Variants in GSK3B observed in about 807,000 individuals in gnomAD.
The protein encoded by GSK3B is glycogen synthase kinase 3 beta, also known as glycogen synthase kinase-3 beta.
Under a neutral mutation model 56.4 loss-of-function variants are expected in GSK3B, and 15 were observed. The observed-to-expected ratio is 0.27, with a 90% CI of 0.18 to 0.41. The LOEUF is 0.41. Ranked by LOEUF, GSK3B falls within the 10% of genes least tolerant of loss-of-function variation. The probability of loss-of-function intolerance (pLI) is 1.00; values close to 1 mark genes in which losing one functional copy is unlikely to be tolerated. For synonymous variants in GSK3B, 181 were observed against 188.9 expected (o/e 0.96, Z 0.34); for missense variants, 300 against 513.4 (o/e 0.58, Z 4.02).
intron 6 of GSK3B, among the ~76,000 whole-genome samples, chr3:119,910,282 C>G (rs1386748844): frequency 6.6e-6 from 1 of 152,044 alleles, no homozygotes; most frequent in Admixed American, 6.6e-5. Context: ...AAATTCTATA[C>G]AGGCATACGT....
intron 2 of GSK3B, among the ~76,000 whole-genome samples, chr3:119,970,248 C>T (rs951655807): frequency 4.0e-5 from 6 of 151,830 alleles, no homozygotes; most frequent in Non-Finnish European, 7.4e-5. Flanking sequence ...AGATAAGGGG[C>T]GGGGGAAACA....
At chr3:119,857,038 TA>T (rs373188976) in intron 9 of GSK3B, among the ~76,000 whole-genome samples, 1 of 151,966 alleles carries the variant, frequency 6.6e-6, no homozygotes, top group Non-Finnish European at 1.5e-5. Context: ...GCATTACATC[TA>T]AAAAAAACCA....
chr3:119,865,491 A>G (rs187489241), intron 8 of GSK3B, among the ~76,000 whole-genome samples: 10,255 of 60,314 alleles, frequency 0.17, 644 homozygotes, highest in Middle Eastern at 0.35. Flanking sequence ...TTTTTTTTTG[A>G]GATGGAGTCT....
chr3:119,947,131 C>G (rs563348266), intron 3 of GSK3B, 137 bp downstream of exon 3: 77 of 607,292 alleles, frequency 1.3e-4, no homozygotes, highest in African/African-American at 1.2e-3. Flanking sequence ...ATACCTTGGG[C>G]TGAGTATTGC....
At chr3:120,089,373 C>G (rs1326104459) in intron 1 of GSK3B, among the ~76,000 whole-genome samples, 2 of 152,168 alleles carry the variant, frequency 1.3e-5, no homozygotes, top group Non-Finnish European at 2.9e-5. Flanking sequence ...TTCTGGTTTT[C>G]AGTCTCACAC....
intron 3 of GSK3B, among the ~76,000 whole-genome samples, chr3:119,929,626 G>A (rs538118115): frequency 3.3e-5 from 5 of 152,088 alleles, no homozygotes; most frequent in Non-Finnish European, 7.4e-5. Flanking sequence ...AAATTGGCCA[G>A]GCATGGTGGC....
chr3:119,934,659 T>A (rs1368899301), intron 3 of GSK3B, among the ~76,000 whole-genome samples: 1 of 152,194 alleles, frequency 6.6e-6, no homozygotes, highest in Non-Finnish European at 1.5e-5. Flanking sequence ...ATTAACTAAC[T>A]GTAACAAATG....
At chr3:120,078,919 A>ACG (rs2058389480) in intron 1 of GSK3B, among the ~76,000 whole-genome samples, 1 of 138,274 alleles carries the variant, frequency 7.2e-6, no homozygotes, top group Non-Finnish European at 1.5e-5. Flanking sequence ...GAAATTACAC[A>ACG]CACACACACA....
At chr3:120,078,212 G>C (rs1402041118) in intron 1 of GSK3B, among the ~76,000 whole-genome samples, 2 of 152,056 alleles carry the variant, frequency 1.3e-5, no homozygotes, top group Admixed American at 1.3e-4. Flanking sequence ...AGAAAGTCTA[G>C]GCTTTCTCAG....
intron 1 of GSK3B, among the ~76,000 whole-genome samples, chr3:120,091,609 C>G (rs2058513216): frequency 6.6e-6 from 1 of 152,062 alleles, no homozygotes; most frequent in African/African-American, 2.4e-5. Flanking sequence ...AACTATATTA[C>G]CAAGATGTAA....
intron 10 of GSK3B, among the ~76,000 whole-genome samples, chr3:119,831,682 G>C (rs1266484648): frequency 6.6e-6 from 1 of 151,812 alleles, no homozygotes; most frequent in Non-Finnish European, 1.5e-5. Context: ...TAAGAGAAGA[G>C]TGAGTTTATG....
At chr3:120,013,488 G>A (rs932621252) in intron 1 of GSK3B, among the ~76,000 whole-genome samples, 1 of 152,122 alleles carries the variant, frequency 6.6e-6, no homozygotes, top group Admixed American at 6.5e-5. Flanking sequence ...AAATACTCTG[G>A]TGACCTTGCT....
chr3:119,888,810 T>C (rs1406766200), intron 7 of GSK3B, among the ~76,000 whole-genome samples: 1 of 152,028 alleles, frequency 6.6e-6, no homozygotes, highest in Non-Finnish European at 1.5e-5. Flanking sequence ...AATGCATTCC[T>C]TGGGGGAGGT....
At chr3:120,062,514 A>T (rs564037982) in intron 1 of GSK3B, among the ~76,000 whole-genome samples, 1 of 152,370 alleles carries the variant, frequency 6.6e-6, no homozygotes, top group African/African-American at 2.4e-5. Flanking sequence ...ACACTCATTT[A>T]AAAGAACAGA....
chr3:120,009,938 A>G (rs1576268557), intron 1 of GSK3B, among the ~76,000 whole-genome samples: 1 of 152,148 alleles, frequency 6.6e-6, no homozygotes, highest in Non-Finnish European at 1.5e-5. Flanking sequence ...TATATTTATC[A>G]TGGCCAGCCA....
rs538018227 is a variant in GSK3B, at chr3:119,956,278, A to T, written c.283-8927T>A. Reference sequence around the variant, plus strand: ...TGAAACGACTCAGGGACACTGAAGCAGATGAAAAGGTCCAGAAAGCAATAC... The same window carrying T: ...TGAAACGACTCAGGGACACTGAAGCTGATGAAAAGGTCCAGAAAGCAATAC... On this transcript the variant is annotated intron_variant, in intron 2 of 10. Coordinates refer to ENST00000264235, the MANE Select transcript of GSK3B (RefSeq NM_001146156.2). Among the ~76,000 whole-genome samples, 3 of 152,348 alleles carry T rather than the reference A, an allele frequency of 2.0e-5. No homozygotes were observed. The South Asian group carries it at 6.2e-4, about 32-fold the overall frequency.
chr3:119,869,509 G>T (rs2056226688), intron 8 of GSK3B, among the ~76,000 whole-genome samples: 2 of 152,172 alleles, frequency 1.3e-5, no homozygotes, highest in South Asian at 4.1e-4. Flanking sequence ...TTCAGGTAAA[G>T]AAGGTTGAGC....
intron 1 of GSK3B, among the ~76,000 whole-genome samples, chr3:120,059,240 A>G (rs1212504200): frequency 2.0e-5 from 3 of 152,192 alleles, no homozygotes; most frequent in Non-Finnish European, 4.4e-5. Flanking sequence ...GCCTTTTGGG[A>G]AACCCCAAAC....
intron 1 of GSK3B, among the ~76,000 whole-genome samples, chr3:120,055,012 G>A (rs1198913775): frequency 2.0e-5 from 3 of 152,036 alleles, no homozygotes; most frequent in Admixed American, 2.0e-4. Flanking sequence ...ACTACTAAAG[G>A]AAGATTGTAC....
Sources: gnomAD v4.1 joint callset for allele counts (sites outside exome capture counted in the v4.1 genomes callset) on GRCh38, gnomAD v4.1.1 for gene constraint, MANE v1.5 for transcripts, NCBI Gene and HGNC (gene_info 2026-07-23, HGNC 2026-07-21) for gene names.